The following MYO1B variants were observed in gnomAD, a reference collection of about 807,000 sequenced individuals.
MYO1B encodes myosin IB.
MYO1B carries 72 observed loss-of-function variants against 159.7 expected under a neutral mutation model. That is an observed-to-expected ratio of 0.45 (90% CI 0.37 to 0.55). MYO1B has a LOEUF of 0.55. MYO1B is among the 20% of genes least tolerant of loss of function. The pLI is 0.00. For missense variants in MYO1B, 1,062 were observed against 1,364.8 expected (o/e 0.78, Z 3.50); for synonymous variants, 468 against 473.8 (o/e 0.99, Z 0.16).
rs73981552 is a variant in MYO1B at position 191,304,765 on chromosome 2, G to A, written c.251+8539G>A. The stretch of plus-strand genomic sequence containing the variant: ...TAAGAATACATTTATTAATTGAAAA[G>A]TGTTTCTGGTACATCTGGGCAGTTT... On this transcript the variant is annotated intron_variant, in intron 3 of 30. Coordinates refer to ENST00000392318, the MANE Select transcript of MYO1B (RefSeq NM_001130158.3). 2.7e-3 allele frequency among the ~76,000 whole-genome samples: 413 copies of A among 152,258 alleles called. 3 individuals are homozygous for A. Among genetic ancestry groups the A allele is most frequent in the African/African-American group, 9.6e-3 (398 of 41,550 alleles).
chr2:191,393,105 C>A lies in MYO1B; in HGVS notation c.2109C>A (p.Arg703=). 3 of 1,613,806 alleles carry A rather than the reference C, an allele frequency of 1.9e-6. No individual in the cohort carries two copies. Among genetic ancestry groups the A allele is most frequent in the Non-Finnish European group, 2.5e-6 (3 of 1,179,854 alleles). ...AATTAGAAGACCTGAGGAAGCAACG[C>A]CTGGAGGACTTGGCCACTCTCATTC... The part of the protein sequence containing the change: ...LFKLEDLRKQ[R]LEDLATLIQK... The change falls in exon 20 of 31, where the codon CGC becomes CGA. Residue 703 remains arginine (R), a synonymous_variant. Transcript: ENST00000392318.
At chr2:191,392,583 G>A (rs1339008511) in intron 19 of MYO1B, among the ~76,000 whole-genome samples, 1 of 152,038 alleles carries the variant, frequency 6.6e-6, no homozygotes, top group Non-Finnish European at 1.5e-5. Context: ...GCACTAAAAT[G>A]AAAATTTTTT....
chr2:191,310,113 G>T (rs796774408), intron 3 of MYO1B, among the ~76,000 whole-genome samples: 18 of 152,294 alleles, frequency 1.2e-4, no homozygotes, highest in African/African-American at 4.1e-4. Flanking sequence ...GCATTTTAAT[G>T]TAACAGTATA....
intron 7 of MYO1B, among the ~76,000 whole-genome samples, chr2:191,357,663 A>G (rs1361785482): frequency 6.6e-6 from 1 of 152,238 alleles, no homozygotes; most frequent in Non-Finnish European, 1.5e-5. Flanking sequence ...GGCAGAAGAG[A>G]AGGCCGTGCC....
At chr2:191,371,498 G>A (rs1694362543) in intron 13 of MYO1B, among the ~76,000 whole-genome samples, 1 of 152,170 alleles carries the variant, frequency 6.6e-6, no homozygotes, top group African/African-American at 2.4e-5. Flanking sequence ...TGAAGTAGCT[G>A]TTATTATTAT....
At chr2:191,391,105 A>G (rs1695721777) in intron 18 of MYO1B, among the ~76,000 whole-genome samples, 1 of 152,246 alleles carries the variant, frequency 6.6e-6, no homozygotes. Flanking sequence ...AGCTCTCCAC[A>G]GGCAGAGAGA....
chr2:191,347,310 G>C (rs974146980), intron 6 of MYO1B, among the ~76,000 whole-genome samples: 3 of 152,170 alleles, frequency 2.0e-5, no homozygotes, highest in African/African-American at 7.2e-5. Context: ...TTTTCCATCA[G>C]ATTAGCCCCT....
At chr2:191,256,649 T>G (rs765516805) in intron 1 of MYO1B, among the ~76,000 whole-genome samples, 1 of 152,062 alleles carries the variant, frequency 6.6e-6, no homozygotes, top group Non-Finnish European at 1.5e-5. Flanking sequence ...TACTTTTAAC[T>G]CTCTATTTTC....
At chr2:191,410,994 A>T in intron 26 of MYO1B, 72 bp from the exon 27 acceptor site, 2 of 853,686 alleles carry the variant, frequency 2.3e-6, no homozygotes, top group Non-Finnish European at 3.6e-6. Flanking sequence ...AAATTGTCTT[A>T]GCATATTTAA....
intron 16 of MYO1B, 79 bp downstream of exon 16, chr2:191,386,163 C>G: frequency 7.5e-7 from 1 of 1,335,956 alleles, no homozygotes; most frequent in Non-Finnish European, 1.1e-6. Flanking sequence ...GATGGGCGTT[C>G]GAAACCCCAT....
chr2:191,248,014 T>C (rs1423201872), intron 1 of MYO1B: 1 of 985,104 alleles, frequency 1.0e-6, no homozygotes, highest in Non-Finnish European at 1.2e-6. Context: ...GTGAGGTGAG[T>C]GGGTGGTGTT....
intron 1 of MYO1B, among the ~76,000 whole-genome samples, chr2:191,268,186 T>A (rs143122354): frequency 7.7e-4 from 117 of 152,344 alleles, no homozygotes; most frequent in African/African-American, 2.7e-3. Context: ...CAGACATTTA[T>A]TTCTCACAGT....
chr2:191,351,020 G>A (rs1692884876), intron 7 of MYO1B, among the ~76,000 whole-genome samples: 1 of 152,058 alleles, frequency 6.6e-6, no homozygotes, highest in Admixed American at 6.5e-5. Context: ...TTTGGAAAAT[G>A]TAAGATGATG....
chr2:191,353,229 T>TGTTAAATAATATTTCTCCTA (rs1365727351), intron 7 of MYO1B, among the ~76,000 whole-genome samples: 5 of 152,200 alleles, frequency 3.3e-5, no homozygotes, highest in Admixed American at 6.5e-5. Context: ...GTTTAGGTGA[T>TGTTAAATAATATTTCTCCTA]GTTAAATAAT....
At chr2:191,423,023 G>C (rs1225414415) in intron 30 of MYO1B, among the ~76,000 whole-genome samples, 1 of 152,196 alleles carries the variant, frequency 6.6e-6, no homozygotes, top group Non-Finnish European at 1.5e-5. Flanking sequence ...AGTGCTCATG[G>C]GAAGAAGTGA....
chr2:191,260,790 G>A (rs922326631), intron 1 of MYO1B, among the ~76,000 whole-genome samples: 7 of 152,052 alleles, frequency 4.6e-5, no homozygotes, highest in African/African-American at 1.7e-4. Flanking sequence ...AGAATGACAT[G>A]TGACCTTGTA....
chr2:191,395,211 C>A (rs1271593725), intron 20 of MYO1B, among the ~76,000 whole-genome samples: 1 of 152,082 alleles, frequency 6.6e-6, no homozygotes, highest in Non-Finnish European at 1.5e-5. Flanking sequence ...TGTAGCTGTT[C>A]TACAGCTACA....
chr2:191,356,112 G>A (rs1287169087), intron 7 of MYO1B, among the ~76,000 whole-genome samples: 1 of 152,074 alleles, frequency 6.6e-6, no homozygotes, highest in Non-Finnish European at 1.5e-5. Context: ...TCAATAAAAG[G>A]CATGAAACTG....
rs1693530732 is a variant in MYO1B, at chr2:191,359,558, C to G, written c.563-1073C>G. ...ATGTATTTGGAGCACGCTAGGACTT[C>G]TCATTCATCAAATATATATCCTTTC... On this transcript the variant is annotated intron_variant, in intron 7 of 30. Coordinates refer to ENST00000392318, the MANE Select transcript of MYO1B (RefSeq NM_001130158.3). 2.0e-5 allele frequency among the ~76,000 whole-genome samples: 3 copies of G among 152,120 alleles called. No homozygotes were observed. The South Asian group carries it at 6.2e-4, about 31-fold the overall frequency.
Sources: allele counts gnomAD v4.1 joint callset (sites outside exome capture counted in the v4.1 genomes callset), GRCh38; gene constraint gnomAD v4.1.1; transcripts MANE v1.5; gene names NCBI Gene and HGNC (gene_info 2026-07-23, HGNC 2026-07-21).